LARGE1: variants seen among roughly 807,000 people sequenced by gnomAD.
The protein encoded by LARGE1 is LARGE xylosyl- and glucuronyltransferase 1.
In LARGE1, 43 loss-of-function variants were observed where a neutral mutation model predicts 87.6. The ratio of observed to expected loss-of-function variants is 0.49; its 90% CI spans 0.38 to 0.63. The LOEUF (loss-of-function observed/expected upper bound fraction) is 0.63, where lower values mean the gene tolerates loss of function less well. LARGE1 is among the 30% of genes least tolerant of loss of function. The pLI, the probability that LARGE1 is intolerant of heterozygous loss-of-function variation, is 0.00. For missense variants in LARGE1, 802 were observed against 1,000.2 expected (o/e 0.80, Z 2.67); for synonymous variants, 434 against 394.6 (o/e 1.10, Z -1.18).
chr22:33,903,345 G>A (rs2065340073), intron 1 of LARGE1, among the ~76,000 whole-genome samples: 1 of 152,258 alleles, frequency 6.6e-6, no homozygotes, highest in Admixed American at 6.5e-5. Flanking sequence ...CTAGGACAGT[G>A]AGAAAATACA....
At chr22:33,895,727 TG>T (rs1473938993) in intron 1 of LARGE1, among the ~76,000 whole-genome samples, 7 of 152,320 alleles carry the variant, frequency 4.6e-5, no homozygotes, top group Admixed American at 4.6e-4. Context: ...AAGTTTGCTA[TG>T]AAGATGGGGT....
intron 1 of LARGE1, among the ~76,000 whole-genome samples, chr22:33,784,941 G>A (rs1015073324): frequency 1.3e-5 from 2 of 150,272 alleles, no homozygotes; most frequent in Non-Finnish European, 1.5e-5. Flanking sequence ...GTATATACAC[G>A]TGTATACATG....
intron 1 of LARGE1, among the ~76,000 whole-genome samples, chr22:33,917,982 CT>C (rs145688428): frequency 0.021 from 3,230 of 152,234 alleles, 53 homozygotes; most frequent in East Asian, 0.068. Context: ...CTAGTCCCCC[CT>C]AGTGTCCTGC....
chr22:33,891,629 A>C (rs1397372982), intron 1 of LARGE1, among the ~76,000 whole-genome samples: 2 of 152,206 alleles, frequency 1.3e-5, no homozygotes, highest in Non-Finnish European at 2.9e-5. Context: ...GGAGGATTAC[A>C]TGAGATCATA....
chr22:33,358,758 G>A (rs1004543182), intron 9 of LARGE1, among the ~76,000 whole-genome samples: 4 of 152,134 alleles, frequency 2.6e-5, no homozygotes, highest in South Asian at 2.1e-4. Context: ...AGGCCGAGCC[G>A]GGTGGATCAT....
chr22:33,782,893 AAAAAAAG>A lies in LARGE1; in HGVS notation c.-82-21342_-82-21336del, dbSNP rs1344347269. Among the ~76,000 whole-genome samples, 3 of 150,670 alleles carry A rather than the reference AAAAAAAG, an allele frequency of 2.0e-5. No individual in the cohort carries two copies. The East Asian group carries it at 5.8e-4, about 29-fold the overall frequency. On this transcript the variant is annotated intron_variant, in intron 1 of 14. Transcript: ENST00000397394. ...AAAACAAAATCAAGTTTAAAAAAAAAAAAAAAGAGAGAGAGAGAGGGAGTGTTCCACT... is the reference window on the plus strand; with the variant it reads ...AAAACAAAATCAAGTTTAAAAAAAAAAGAGAGAGAGAGGGAGTGTTCCACT...
At chr22:33,816,148 T>C (rs989582237) in intron 1 of LARGE1, among the ~76,000 whole-genome samples, 2 of 152,248 alleles carry the variant, frequency 1.3e-5, no homozygotes, top group Middle Eastern at 3.4e-3. Flanking sequence ...GCAACCTCTG[T>C]GGGCTGCGGG....
intron 6 of LARGE1, among the ~76,000 whole-genome samples, chr22:33,433,749 A>G (rs545297130): frequency 4.1e-4 from 62 of 152,270 alleles, no homozygotes; most frequent in African/African-American, 1.3e-3. Context: ...CTGTTGGCCA[A>G]TTTGAGAAAT....
intron 7 of LARGE1, among the ~76,000 whole-genome samples, chr22:33,409,445 A>C (rs968387670): frequency 2.6e-5 from 4 of 152,148 alleles, no homozygotes; most frequent in African/African-American, 9.7e-5. Context: ...CCAGTTGTCT[A>C]AGGGCTTTCT....
intron 11 of LARGE1, among the ~76,000 whole-genome samples, chr22:33,225,183 G>A (rs1440804383): frequency 6.6e-6 from 1 of 152,166 alleles, no homozygotes; most frequent in African/African-American, 2.4e-5. Context: ...ACAGCCGTGG[G>A]CATGATAGAG....
intron 11 of LARGE1, among the ~76,000 whole-genome samples, chr22:33,171,260 A>T (rs1290289186): frequency 6.6e-6 from 1 of 152,218 alleles, no homozygotes; most frequent in Admixed American, 6.5e-5. Context: ...ATTGGAACTT[A>T]TGTTTAAAAG....
At chr22:33,893,881 C>T (rs1249213851) in intron 1 of LARGE1, among the ~76,000 whole-genome samples, 3 of 152,148 alleles carry the variant, frequency 2.0e-5, no homozygotes, top group Non-Finnish European at 4.4e-5. Context: ...GCCCGCTGAA[C>T]GTCACAAGTC....
At chr22:33,436,889 A>G (rs1293621721) in intron 6 of LARGE1, among the ~76,000 whole-genome samples, 1 of 151,790 alleles carries the variant, frequency 6.6e-6, no homozygotes. Flanking sequence ...AGGAAGAGCC[A>G]TTGTAGATAC....
chr22:33,454,611 C>A (rs1163871745), intron 6 of LARGE1, among the ~76,000 whole-genome samples: 1 of 128,248 alleles, frequency 7.8e-6, no homozygotes. Context: ...GAGCAAGACT[C>A]TGTCTAAAAA....
chr22:33,414,040 C>G (rs1601755210), intron 7 of LARGE1, among the ~76,000 whole-genome samples: 1 of 152,196 alleles, frequency 6.6e-6, no homozygotes, highest in African/African-American at 2.4e-5. Flanking sequence ...GATCTCAATT[C>G]TTTTGGATAT....
intron 1 of LARGE1, among the ~76,000 whole-genome samples, chr22:33,898,272 G>C (rs2065195980): frequency 6.6e-6 from 1 of 152,078 alleles, no homozygotes; most frequent in South Asian, 2.1e-4. Context: ...AGCCTACACG[G>C]TTCCCTTGAT....
At chr22:33,088,567 T>C in the LARGE1 span, among the ~76,000 whole-genome samples, 1 of 152,160 alleles carries the variant, frequency 6.6e-6, no homozygotes, top group Non-Finnish European at 1.5e-5. Context: ...CTTTGCTATG[T>C]TGTCAGGGAG....
chr22:33,571,631 T>C (rs1455750176), intron 5 of LARGE1, among the ~76,000 whole-genome samples: 3 of 152,138 alleles, frequency 2.0e-5, no homozygotes, highest in African/African-American at 7.2e-5. Flanking sequence ...AAGATAATAA[T>C]AGAAAATATG....
At chr22:33,706,332 C>G (rs1230358731) in intron 2 of LARGE1, among the ~76,000 whole-genome samples, 1 of 152,180 alleles carries the variant, frequency 6.6e-6, no homozygotes, top group African/African-American at 2.4e-5. Context: ...CAAGAGGGAC[C>G]TCGTCAGGGC....
Sources: allele counts gnomAD v4.1 joint callset (sites outside exome capture counted in the v4.1 genomes callset), GRCh38; gene constraint gnomAD v4.1.1; transcripts MANE v1.5; gene names NCBI Gene and HGNC (gene_info 2026-07-23, HGNC 2026-07-21).